The following GPD2 variants were observed in gnomAD, a reference collection of about 807,000 sequenced individuals.
GPD2 encodes glycerol-3-phosphate dehydrogenase, mitochondrial.
Under a neutral mutation model 82.4 loss-of-function variants are expected in GPD2, and 54 were observed. The observed-to-expected ratio is 0.66, with a 90% CI of 0.53 to 0.82. The LOEUF is 0.82. Among genes scored for constraint, GPD2 ranks in the 40% least tolerant of loss-of-function variants. The pLI is 0.00. For synonymous variants in GPD2, 288 were observed against 306.1 expected, an observed-to-expected ratio of 0.94 and a Z score of 0.62; for missense variants, 748 against 896.2, an observed-to-expected ratio of 0.83 and a Z score of 2.11.
chr2:156,402,518 G>A, the GPD2 span, among the ~76,000 whole-genome samples: 7 of 152,136 alleles, frequency 4.6e-5, no homozygotes, highest in African/African-American at 1.7e-4. Context: ...GAAAGAAATG[G>A]GGGAGAAATG....
At chr2:156,481,977 A>G (rs755298217) in intron 2 of GPD2, among the ~76,000 whole-genome samples, 3 of 152,120 alleles carry the variant, frequency 2.0e-5, no homozygotes, top group Non-Finnish European at 4.4e-5. Flanking sequence ...TCTCCCTTCT[A>G]TGAAATAGGG....
intron 6 of GPD2, among the ~76,000 whole-genome samples, chr2:156,520,079 G>A (rs959953810): frequency 9.2e-5 from 14 of 152,192 alleles, no homozygotes; most frequent in Admixed American, 3.9e-4. Flanking sequence ...AAAGGGGATG[G>A]AGTGGGAAGA....
chr2:156,496,937 A>G (rs1048250288), intron 3 of GPD2, among the ~76,000 whole-genome samples: 5 of 144,758 alleles, frequency 3.5e-5, no homozygotes, highest in Non-Finnish European at 7.9e-5. Flanking sequence ...AATATCACTA[A>G]TCTATAGTTC....
At chr2:156,539,501 A>G (rs1257109812) in intron 6 of GPD2, among the ~76,000 whole-genome samples, 1 of 152,156 alleles carries the variant, frequency 6.6e-6, no homozygotes, top group Non-Finnish European at 1.5e-5. Flanking sequence ...TTTGATAACA[A>G]TTTGATAAGG....
At chr2:156,530,235 CTG>C (rs1685794862) in intron 6 of GPD2, among the ~76,000 whole-genome samples, 1 of 103,264 alleles carries the variant, frequency 9.7e-6, no homozygotes, top group Non-Finnish European at 2.1e-5. Flanking sequence ...ATTTGGCTCT[CTG>C]TTTGTCTGTT....
At chr2:156,573,898 T>TAA (rs1023670074) in intron 13 of GPD2, among the ~76,000 whole-genome samples, 1 of 152,174 alleles carries the variant, frequency 6.6e-6, no homozygotes, top group African/African-American at 2.4e-5. Context: ...AACAAGGTGA[T>TAA]AAATAACTCT....
At chr2:156,547,621 C>T (rs1686595923) in intron 6 of GPD2, among the ~76,000 whole-genome samples, 1 of 152,106 alleles carries the variant, frequency 6.6e-6, no homozygotes, top group Non-Finnish European at 1.5e-5. Flanking sequence ...TTGTTTCCAC[C>T]TCACATTTTA....
At chr2:156,415,664 T>C in the GPD2 span, among the ~76,000 whole-genome samples, 1 of 151,926 alleles carries the variant, frequency 6.6e-6, no homozygotes, top group Admixed American at 6.6e-5. Context: ...GAGACCAGCC[T>C]GACCAACGTG....
intron 6 of GPD2, among the ~76,000 whole-genome samples, chr2:156,548,990 G>A (rs757751866): frequency 1.3e-5 from 2 of 151,048 alleles, no homozygotes; most frequent in Non-Finnish European, 1.5e-5. Context: ...AACAATACAG[G>A]TAGGAATTGT....
chr2:156,481,993 A>C (rs1231640416), intron 2 of GPD2, among the ~76,000 whole-genome samples: 6 of 152,192 alleles, frequency 3.9e-5, no homozygotes, highest in Non-Finnish European at 2.9e-5. Context: ...TAGGGATAAC[A>C]GTGGTACTTC....
chr2:156,528,450 T>A (rs1026919106), intron 6 of GPD2, among the ~76,000 whole-genome samples: 1 of 151,598 alleles, frequency 6.6e-6, no homozygotes, highest in African/African-American at 2.4e-5. Context: ...TTTTTATTAT[T>A]ATTATACTTT....
the GPD2 span, among the ~76,000 whole-genome samples, chr2:156,402,880 A>T: frequency 1.6e-4 from 24 of 152,078 alleles, no homozygotes; most frequent in Non-Finnish European, 1.8e-4. Flanking sequence ...AGAATCTTAG[A>T]TTATTTAGTT....
intron 2 of GPD2, among the ~76,000 whole-genome samples, chr2:156,480,216 G>A (rs761534681): frequency 2.0e-5 from 3 of 152,148 alleles, no homozygotes; most frequent in Non-Finnish European, 4.4e-5. Flanking sequence ...AGGAAAAGGG[G>A]TCATGGGATA....
intron 6 of GPD2, among the ~76,000 whole-genome samples, chr2:156,526,699 G>T (rs1339349709): frequency 6.6e-6 from 1 of 152,080 alleles, no homozygotes; most frequent in Non-Finnish European, 1.5e-5. Context: ...TAAAAATACT[G>T]CATTTTGAAG....
At chr2:156,562,624 A>G (rs1261731054) in intron 9 of GPD2, among the ~76,000 whole-genome samples, 1 of 152,164 alleles carries the variant, frequency 6.6e-6, no homozygotes, top group East Asian at 1.9e-4. Context: ...GTGAAGCTAA[A>G]CCGCACATTT....
intron 9 of GPD2, among the ~76,000 whole-genome samples, chr2:156,567,254 ACATC>A (rs762446856): frequency 3.2e-4 from 49 of 151,986 alleles, no homozygotes; most frequent in Non-Finnish European, 4.6e-4. Flanking sequence ...TTTTGATGTC[ACATC>A]CAAGAAACTA....
At chr2:156,575,637 C>T (rs1244020106) in intron 13 of GPD2, among the ~76,000 whole-genome samples, 2 of 151,944 alleles carry the variant, frequency 1.3e-5, no homozygotes, top group African/African-American at 4.8e-5. Flanking sequence ...AACTCCCGGG[C>T]TCATGCGATC....
At chr2:156,493,239 A>G (rs577560108) in intron 2 of GPD2, among the ~76,000 whole-genome samples, 1 of 152,106 alleles carries the variant, frequency 6.6e-6, no homozygotes, top group South Asian at 2.1e-4. Flanking sequence ...TGAGTGAACA[A>G]TCATTTGTGC....
chr2:156,522,226 A>G (rs1054993163), intron 6 of GPD2, among the ~76,000 whole-genome samples: 5 of 152,242 alleles, frequency 3.3e-5, no homozygotes, highest in Non-Finnish European at 4.4e-5. Flanking sequence ...CCCAGCATGT[A>G]TTAAATACCA....
Sources: allele counts gnomAD v4.1 joint callset (sites outside exome capture counted in the v4.1 genomes callset), GRCh38; gene constraint gnomAD v4.1.1; transcripts MANE v1.5; gene names NCBI Gene and HGNC (gene_info 2026-07-23, HGNC 2026-07-21).